Variants in ROBO2 observed in about 807,000 individuals in gnomAD.
ROBO2 encodes the protein roundabout guidance receptor 2.
A neutral mutation model predicts 160.8 loss-of-function variants in ROBO2; 53 were observed. That is an observed-to-expected ratio of 0.33 (90% CI 0.26 to 0.41). The LOEUF (loss-of-function observed/expected upper bound fraction) is 0.41. ROBO2 is among the 10% of genes least tolerant of loss of function. The pLI is 1.00. For synonymous variants in ROBO2, 664 were observed against 611.7 expected, an observed-to-expected ratio of 1.09 and a Z score of -1.26; for missense variants, 1,577 against 1,722.4, an observed-to-expected ratio of 0.92 and a Z score of 1.49.
intron 1 of ROBO2, among the ~76,000 whole-genome samples, chr3:77,078,068 C>A (rs542599854): frequency 6.6e-6 from 1 of 152,054 alleles, no homozygotes; most frequent in African/African-American, 2.4e-5. Context: ...CACACAAGAG[C>A]CAATTAAAAG....
At chr3:77,386,603 A>ATTTTTTTTTTTTTTTTTTTTTTTTTTTTT (rs71104679) in intron 2 of ROBO2, among the ~76,000 whole-genome samples, 11 of 91,900 alleles carry the variant, frequency 1.2e-4, no homozygotes, top group East Asian at 4.0e-4. Flanking sequence ...CAGCCAGGTA[A>ATTTTTTTTTTTTTTTTTTTTTTTTTTTTT]TTTTTTTTTT....
chr3:76,611,360 A>G (rs1347644360), intron 2 of ROBO2, among the ~76,000 whole-genome samples: 1 of 151,990 alleles, frequency 6.6e-6, no homozygotes, highest in African/African-American at 2.4e-5. Context: ...TTTTTTCTTT[A>G]AATATTTGGT....
At chr3:75,961,888 T>C (rs958523654) in intron 2 of ROBO2, among the ~76,000 whole-genome samples, 3 of 151,356 alleles carry the variant, frequency 2.0e-5, no homozygotes, top group Non-Finnish European at 4.4e-5. Context: ...CTAGAAGTAA[T>C]TTATTCTTTC....
chr3:76,508,599 T>TTAATCA (rs2080916631), intron 2 of ROBO2, among the ~76,000 whole-genome samples: 1 of 152,180 alleles, frequency 6.6e-6, no homozygotes, highest in Non-Finnish European at 1.5e-5. Context: ...ATCATTAATC[T>TTAATCA]ATTTATTTTA....
At chr3:76,850,737 G>A (rs1559600330) in intron 2 of ROBO2, among the ~76,000 whole-genome samples, 1 of 152,110 alleles carries the variant, frequency 6.6e-6, no homozygotes, top group Non-Finnish European at 1.5e-5. Flanking sequence ...CAAGGCACTA[G>A]AATAGGCTTT....
At chr3:75,998,003 A>C (rs2065780992) in intron 2 of ROBO2, among the ~76,000 whole-genome samples, 1 of 152,198 alleles carries the variant, frequency 6.6e-6, no homozygotes, top group East Asian at 1.9e-4. Context: ...ATGATAATAG[A>C]TAATTTCATT....
intron 1 of ROBO2, among the ~76,000 whole-genome samples, chr3:77,059,191 G>A (rs531327171): frequency 6.6e-6 from 1 of 152,232 alleles, no homozygotes; most frequent in African/African-American, 2.4e-5. Flanking sequence ...TGTGAAGAGT[G>A]AGATCTGAGA....
intron 2 of ROBO2, among the ~76,000 whole-genome samples, chr3:77,021,446 C>T (rs866146138): frequency 6.6e-6 from 1 of 152,086 alleles, no homozygotes; most frequent in Non-Finnish European, 1.5e-5. Context: ...AGAAATATTA[C>T]GCTAACCCTC....
intron 2 of ROBO2, among the ~76,000 whole-genome samples, chr3:77,024,207 A>G (rs2062809833): frequency 1.3e-5 from 2 of 152,208 alleles, no homozygotes; most frequent in Non-Finnish European, 1.5e-5. Context: ...AAATGTGTGA[A>G]CATTTCAGCA....
intron 2 of ROBO2, among the ~76,000 whole-genome samples, chr3:77,132,833 T>C (rs894922234): frequency 2.0e-5 from 3 of 152,152 alleles, no homozygotes; most frequent in African/African-American, 7.2e-5. Context: ...AAGTTTACAA[T>C]ATTTTTGAGT....
intron 5 of ROBO2, among the ~76,000 whole-genome samples, chr3:77,494,780 G>A (rs6794631): frequency 0.74 from 113,268 of 152,122 alleles, 42,771 homozygotes; most frequent in African/African-American, 0.87. Flanking sequence ...ACTTCAAAAG[G>A]CATGTCACTC....
chr3:77,032,871 T>C (rs936860920), intron 2 of ROBO2, among the ~76,000 whole-genome samples: 5 of 152,120 alleles, frequency 3.3e-5, no homozygotes, highest in South Asian at 4.1e-4. Flanking sequence ...CTGGATTCCA[T>C]TGGCCAGAAC....
At chr3:77,328,311 A>G (rs1188562025) in intron 2 of ROBO2, among the ~76,000 whole-genome samples, 1 of 152,154 alleles carries the variant, frequency 6.6e-6, no homozygotes, top group Non-Finnish European at 1.5e-5. Context: ...AGAGTTTATT[A>G]ATAAAGTTTA....
At chr3:77,600,877 G>A (rs928223966) in intron 19 of ROBO2, among the ~76,000 whole-genome samples, 2 of 152,122 alleles carry the variant, frequency 1.3e-5, no homozygotes, top group Admixed American at 1.3e-4. Context: ...TAAAAATAAT[G>A]TTATTTGCTT....
chr3:76,451,086 G>T (rs1055712142), intron 2 of ROBO2, among the ~76,000 whole-genome samples: 2 of 152,076 alleles, frequency 1.3e-5, no homozygotes, highest in African/African-American at 4.8e-5. Flanking sequence ...GTAACAGGAT[G>T]AAATGCTAGG....
At chr3:76,143,594 A>G (rs1299110274) in intron 2 of ROBO2, among the ~76,000 whole-genome samples, 2 of 152,032 alleles carry the variant, frequency 1.3e-5, no homozygotes, top group African/African-American at 2.4e-5. Context: ...AATCTAATCA[A>G]TTTATGAAAC....
intron 1 of ROBO2, among the ~76,000 whole-genome samples, chr3:77,087,801 A>C (rs1204434680): frequency 6.6e-6 from 1 of 152,010 alleles, no homozygotes; most frequent in Admixed American, 6.6e-5. Context: ...TGTATTCATC[A>C]TGGAGTCATA....
At chr3:77,360,123 C>G (rs191171248) in intron 2 of ROBO2, among the ~76,000 whole-genome samples, 16 of 152,110 alleles carry the variant, frequency 1.1e-4, no homozygotes, top group Non-Finnish European at 1.9e-4. Flanking sequence ...ATAATACTCT[C>G]TAGTATCCAA....
intron 2 of ROBO2, among the ~76,000 whole-genome samples, chr3:76,243,477 TA>T (rs1467651872): frequency 6.6e-6 from 1 of 152,094 alleles, no homozygotes; most frequent in African/African-American, 2.4e-5. Context: ...CAAAACAGTA[TA>T]AATAAGCTAA....
Sources: gnomAD v4.1 joint callset for allele counts (sites outside exome capture counted in the v4.1 genomes callset) on GRCh38, gnomAD v4.1.1 for gene constraint, MANE v1.5 for transcripts, NCBI Gene and HGNC (gene_info 2026-07-23, HGNC 2026-07-21) for gene names.